OASL: variants seen among roughly 807,000 people sequenced by gnomAD.
The protein encoded by OASL is 2'-5'-oligoadenylate synthase-like protein.
OASL carries 28 observed loss-of-function variants against 35.3 expected under a neutral mutation model. The observed-to-expected ratio is 0.79, with a 90% CI of 0.59 to 1.09. The LOEUF (loss-of-function observed/expected upper bound fraction) is 1.09, where lower values mean the gene tolerates loss of function less well. Ranked by LOEUF, OASL falls within the 50% of genes least tolerant of loss-of-function variation. The pLI, the probability that OASL is intolerant of heterozygous loss-of-function variation, is 0.00. For synonymous variants in OASL, 252 were observed against 254.6 expected (o/e 0.99, Z 0.10); for missense variants, 620 against 635.2 (o/e 0.98, Z 0.26).
intron 4 of OASL, 24 bp downstream of exon 4, chr12:121,027,552 G>T: frequency 6.2e-7 from 1 of 1,611,104 alleles, no homozygotes; most frequent in Non-Finnish European, 8.5e-7. Flanking sequence ...TGTAAGATTT[G>T]GTGGGCAAAC....
intron 1 of OASL, among the ~76,000 whole-genome samples, chr12:121,038,033 G>C (rs929318463): frequency 1.3e-5 from 2 of 151,712 alleles, no homozygotes; most frequent in Non-Finnish European, 2.9e-5. Context: ...GCTACAGTGA[G>C]TGGTGATTGT....
At chr12:121,031,884 G>A (rs917134047) in intron 2 of OASL, among the ~76,000 whole-genome samples, 3 of 151,782 alleles carry the variant, frequency 2.0e-5, no homozygotes, top group African/African-American at 7.3e-5. Flanking sequence ...TATCTGTTTT[G>A]TATCTCTTTC....
At chr12:121,026,511 T>C (rs574994590) in intron 4 of OASL, among the ~76,000 whole-genome samples, 5 of 152,236 alleles carry the variant, frequency 3.3e-5, no homozygotes, top group Admixed American at 1.3e-4. Flanking sequence ...AGAGTGGGTA[T>C]TGAAGTAATT....
chr12:121,021,133 G>T, intron 5 of OASL, 75 bp from the exon 6 acceptor site: 1 of 1,427,450 alleles, frequency 7.0e-7, no homozygotes, highest in Non-Finnish European at 9.3e-7. Context: ...CCCTTCATCT[G>T]TCCTTATCTT....
At position 121,033,454 on chromosome 12, in the gene OASL, C is replaced by T. The variant is rs1322270208; in HGVS notation, c.481+7G>A. On this transcript the variant is annotated splice_region_variant and intron_variant, in intron 2 of 5. Transcript: ENST00000257570. ...GTGTGAGTCGGGTGAGCTTCCCCTC[C>T]CCTTACCCAGGGCTCTGTAGGCAGG... The T allele has an allele frequency of 7.5e-6, 12 of 1,603,732 alleles. No individual in the cohort carries two copies. The South Asian group carries it at 1.3e-4, about 18-fold the overall frequency.
chr12:121,020,080 A>C (rs1428764360), exon 6 of OASL: 1 of 155,144 alleles, frequency 6.4e-6, no homozygotes, highest in African/African-American at 2.4e-5. Flanking sequence ...ACCCCTCCTC[A>C]TCCTCCCCCT....
At position 121,038,752 on chromosome 12, in the gene OASL, G is replaced by T. The variant is rs1419861972; in HGVS notation, c.198+22C>A. 10 of 1,612,238 alleles carry T rather than the reference G, an allele frequency of 6.2e-6. No individual in the cohort carries two copies. The African/African-American group carries it at 1.3e-4, about 22-fold the overall frequency. The stretch of plus-strand genomic sequence containing the variant: ...GATACTGGGTTTTGTCTTGCGTGGG[G>T]GCTGGAGGAGCCCAGTCTTACCTTG... On this transcript the variant is annotated intron_variant, in intron 1 of 5. Coordinates refer to ENST00000257570, the Ensembl canonical transcript of OASL.
intron 1 of OASL, among the ~76,000 whole-genome samples, chr12:121,034,196 C>CTTT (rs10680000): frequency 3.3e-4 from 49 of 146,812 alleles, no homozygotes; most frequent in East Asian, 4.0e-4. Context: ...AGCCCAGACT[C>CTTT]TTTTTTTTTT....
At chr12:121,028,230 T>C (rs1021227025) in intron 3 of OASL, among the ~76,000 whole-genome samples, 2 of 152,122 alleles carry the variant, frequency 1.3e-5, no homozygotes, top group African/African-American at 4.8e-5. Context: ...TAGTGAAGAT[T>C]GGGGTTGCCT....
rs779074428 is a variant in OASL at position 121,031,565 on chromosome 12, G to GA, written c.533dup (p.Lys179GlnfsTer27). On this transcript the variant is annotated frameshift_variant, in exon 3 of 6. Coordinates refer to ENST00000257570, the Ensembl canonical transcript of OASL. LOFTEE classifies it high-confidence loss of function. ...AATTTCCAGGACCACCGCAGGCCTT[G>GA]ATCAGGCTCACATAGACCTCAGGGG... 13 of 1,614,108 alleles carry GA rather than the reference G, an allele frequency of 8.1e-6. No homozygotes were observed. In the African/African-American group the frequency reaches 1.6e-4, roughly 20 times the overall value.
At chr12:121,022,013 G>T (rs1869256986) in intron 5 of OASL, among the ~76,000 whole-genome samples, 1 of 151,366 alleles carries the variant, frequency 6.6e-6, no homozygotes, top group African/African-American at 2.4e-5. Flanking sequence ...AAGCTGAAGC[G>T]ATCCTCCCGC....
Position 121,033,451 on chromosome 12 carries a change from C to T in OASL, c.481+10G>A, listed in dbSNP as rs775411708. The T allele has an allele frequency of 3.9e-5, 63 of 1,602,794 alleles. No homozygotes were observed. The highest frequency in any genetic ancestry group is 3.3e-5 in the Non-Finnish European group (39 of 1,170,688). On this transcript the variant is annotated intron_variant, in intron 2 of 5. Transcript: ENST00000257570. ...AGTGTGTGAGTCGGGTGAGCTTCCC[C>T]TCCCCTTACCCAGGGCTCTGTAGGC... is the stretch of plus-strand genomic sequence containing the variant.
intron 3 of OASL, among the ~76,000 whole-genome samples, chr12:121,031,017 A>G (rs1021514323): frequency 2.0e-5 from 3 of 152,074 alleles, no homozygotes; most frequent in Admixed American, 2.0e-4. Context: ...GCATGCCTGT[A>G]GTCCCAGTTA....
chr12:121,034,227 C>T (rs1869865206), intron 1 of OASL, among the ~76,000 whole-genome samples: 1 of 151,836 alleles, frequency 6.6e-6, no homozygotes, highest in Middle Eastern at 3.4e-3. Flanking sequence ...GTTTCACTCC[C>T]GTTGCCCAGG....
At chr12:121,038,819 C>T in exon 1 of OASL, 1 of 1,614,154 alleles carries the variant, frequency 6.2e-7, no homozygotes, top group Non-Finnish European at 8.5e-7. Flanking sequence ...GCCCACGCTT[C>T]CCCTGGAAAT....
At chr12:121,035,447 C>G (rs1489489632) in intron 1 of OASL, among the ~76,000 whole-genome samples, 3 of 151,946 alleles carry the variant, frequency 2.0e-5, no homozygotes, top group Non-Finnish European at 4.4e-5. Context: ...ATCGCTTGAA[C>G]CCAGGAGGCA....
chr12:121,018,549 A>G (rs548554679), downstream of OASL, among the ~76,000 whole-genome samples: 1 of 151,998 alleles, frequency 6.6e-6, no homozygotes, highest in African/African-American at 2.4e-5. Flanking sequence ...CTGAGCCCTC[A>G]TGAACTGGAT....
chr12:121,021,783 C>T (rs573557338), intron 5 of OASL, among the ~76,000 whole-genome samples: 1 of 152,002 alleles, frequency 6.6e-6, no homozygotes, highest in African/African-American at 2.4e-5. Context: ...TGCACTCCAG[C>T]CTGGGCAACA....
chr12:121,034,489 G>T (rs1432301988), intron 1 of OASL, among the ~76,000 whole-genome samples: 3 of 152,172 alleles, frequency 2.0e-5, no homozygotes, highest in Admixed American at 6.6e-5. Flanking sequence ...CTTACCCACA[G>T]AGTAAGGCCT....
Sources: gnomAD v4.1 joint callset for allele counts (sites outside exome capture counted in the v4.1 genomes callset) on GRCh38, gnomAD v4.1.1 for gene constraint, MANE v1.5 for transcripts, NCBI Gene and HGNC (gene_info 2026-07-23, HGNC 2026-07-21) for gene names.